CUTC: variants seen among roughly 807,000 people sequenced by gnomAD.
CUTC encodes the protein cutC copper transporter.
CUTC carries 27 observed loss-of-function variants against 36.2 expected under a neutral mutation model. The ratio of observed to expected loss-of-function variants is 0.75; its 90% confidence interval spans 0.55 to 1.03. The LOEUF is 1.03. CUTC is among the 50% of genes least tolerant of loss of function. The probability of loss-of-function intolerance (pLI) is 0.00; values close to 1 mark genes in which losing one functional copy is unlikely to be tolerated. For missense variants in CUTC, 315 were observed against 343.5 expected, an observed-to-expected ratio of 0.92 and a Z score of 0.66; for synonymous variants, 114 against 118.3, an observed-to-expected ratio of 0.96 and a Z score of 0.24.
Position 99,732,307 on chromosome 10 carries a change from C to G in CUTC, c.-42C>G. 1.9e-6 allele frequency: 3 copies of G among 1,549,868 alleles called. No individual in the cohort carries two copies. The highest frequency in any genetic ancestry group is 2.6e-6 in the Non-Finnish European group (3 of 1,146,470). ...CTGGTGCGCGCCGGAGCCCAAATTC[C>G]AAGTGGAAACTGCAGGCGCACGAGG... On this transcript the variant is annotated 5_prime_UTR_variant, in exon 1 of 9. Transcript: ENST00000370476.
rs1257302549 is a variant in CUTC at position 99,744,025 on chromosome 10, TTC to T, written c.404-10_404-9del. On this transcript the variant is annotated splice_polypyrimidine_tract_variant and intron_variant, in intron 4 of 8. Coordinates refer to ENST00000370476, the MANE Select transcript of CUTC (RefSeq NM_015960.3). Reference sequence around the variant, plus strand: ...TCTTCATTCATGTTGTTATATGACTTTCTTTTTATAGCTATTTGCCGCCCTCT... The same window carrying T: ...TCTTCATTCATGTTGTTATATGACTTTTTTTATAGCTATTTGCCGCCCTCT... The T allele has an allele frequency of 6.2e-7, 1 of 1,610,292 alleles. No homozygotes were observed. The highest frequency in any genetic ancestry group is 1.7e-5 in the Admixed American group (1 of 59,892).
At position 99,739,770 on chromosome 10, in the gene CUTC, G is replaced by T. The variant is rs1423536636; in HGVS notation, c.193+1G>T. On this transcript the variant is annotated splice_donor_variant, in intron 3 of 8. Transcript: ENST00000370476. LOFTEE classifies it high-confidence loss of function. ...GAGGGGGGAACTACACCCAGCATGG[G>T]TAAGTGTCCATTTTTCCCAGGTTTT... is the stretch of plus-strand genomic sequence containing the variant. 3.1e-6 allele frequency: 5 copies of T among 1,607,574 alleles called. No homozygotes were observed. Among genetic ancestry groups the T allele is most frequent in the African/African-American group, 2.7e-5 (2 of 74,572 alleles).
At position 99,739,710 on chromosome 10, in the gene CUTC, G is replaced by T. The variant is rs937370572; in HGVS notation, c.134G>T (p.Gly45Val). 6.8e-6 allele frequency: 11 copies of T among 1,610,114 alleles called. No individual in the cohort carries two copies. Among genetic ancestry groups the T allele is most frequent in the Admixed American group, 1.7e-5 (1 of 59,184 alleles). The change falls in exon 3 of 9, where the codon GGT becomes GTT. Residue 45 changes from glycine (G) to valine (V), a missense_variant and splice_region_variant. By Grantham distance (109) the Gly-to-Val change is moderately radical. Transcript: ENST00000370476. ...VESAVNAERG[G>V]ADRIELCSGL... is the part of the protein sequence containing the mutation. The stretch of plus-strand genomic sequence containing the variant: ...GTTGAGCAATGCTTTTATATTACAG[G>T]TGCTGATCGGATTGAATTATGTTCT...
chr10:99,750,553 C>A (rs2037408510), intron 7 of CUTC, among the ~76,000 whole-genome samples, 157 bp downstream of exon 7: 1 of 152,024 alleles, frequency 6.6e-6, no homozygotes, highest in Non-Finnish European at 1.5e-5. Flanking sequence ...ATGTTTAAAA[C>A]TGGGAGATCT....
Position 99,743,475 on chromosome 10 carries a change from A to C in CUTC, c.403+113A>C, listed in dbSNP as rs1390906998. 5.6e-6 allele frequency: 5 copies of C among 896,578 alleles called. No individual in the cohort carries two copies. The African/African-American group carries it at 8.3e-5, about 15-fold the overall frequency. 55.5% of individuals were successfully genotyped at this position (896,578 alleles called of 1,614,324 possible). Reference sequence around the variant, plus strand: ...TTTGCGGTCATAGCTACAGACACTTATACTAACCTAAGTATTTCAAATAGT... The same window carrying C: ...TTTGCGGTCATAGCTACAGACACTTCTACTAACCTAAGTATTTCAAATAGT... On this transcript the variant is annotated intron_variant, in intron 4 of 8. Transcript: ENST00000370476.
chr10:99,737,266 TAAAAA>T (rs77766994), intron 2 of CUTC, among the ~76,000 whole-genome samples: 6 of 126,364 alleles, frequency 4.7e-5, no homozygotes, highest in South Asian at 2.5e-4. Flanking sequence ...AGATCTTGTC[TAAAAA>T]AAAAAAAAAA....
intron 7 of CUTC, among the ~76,000 whole-genome samples, chr10:99,751,996 G>A (rs948528230): frequency 6.6e-6 from 1 of 152,118 alleles, no homozygotes; most frequent in Non-Finnish European, 1.5e-5. Flanking sequence ...AAATCATGAG[G>A]TTTGAATAGA....
At chr10:99,755,049 C>T (rs936607259) in intron 8 of CUTC, among the ~76,000 whole-genome samples, 12 of 152,174 alleles carry the variant, frequency 7.9e-5, no homozygotes, top group African/African-American at 2.7e-4. Context: ...CATTTGTTCT[C>T]TGTTTTCAGT....
chr10:99,737,673 A>G (rs978765174), intron 2 of CUTC, among the ~76,000 whole-genome samples: 6 of 152,306 alleles, frequency 3.9e-5, no homozygotes, highest in Middle Eastern at 3.4e-3. Context: ...TTTCAAAAAG[A>G]ATACAAAAAC....
intron 5 of CUTC, among the ~76,000 whole-genome samples, chr10:99,746,025 T>C (rs892004788): frequency 1.3e-5 from 2 of 152,256 alleles, no homozygotes; most frequent in African/African-American, 4.8e-5. Flanking sequence ...GTACAGTGTT[T>C]CATTCTACCT....
chr10:99,751,010 C>T (rs1323070761), intron 7 of CUTC, among the ~76,000 whole-genome samples: 1 of 152,096 alleles, frequency 6.6e-6, no homozygotes, highest in Non-Finnish European at 1.5e-5. Context: ...TAAAGACAAT[C>T]TTAATTTTTT....
At chr10:99,755,560 G>A (rs1302104415) in intron 8 of CUTC, 65 bp from the exon 9 acceptor site, 3 of 979,728 alleles carry the variant, frequency 3.1e-6, no homozygotes, top group African/African-American at 3.2e-5. Flanking sequence ...TCTATAAAAT[G>A]AAGCGGCAGT....
chr10:99,734,450 T>C (rs1344505847), intron 1 of CUTC, among the ~76,000 whole-genome samples: 3 of 152,118 alleles, frequency 2.0e-5, no homozygotes, highest in African/African-American at 7.2e-5. Context: ...TTTTTCAAAG[T>C]AAAAATTGCT....
intron 5 of CUTC, among the ~76,000 whole-genome samples, chr10:99,745,289 T>C (rs1254145175): frequency 6.6e-6 from 1 of 152,246 alleles, no homozygotes; most frequent in Non-Finnish European, 1.5e-5. Context: ...TTCTCACTAA[T>C]GTATTTAATG....
At chr10:99,736,090 A>G (rs2295781) in intron 1 of CUTC, among the ~76,000 whole-genome samples, 156 bp from the exon 2 acceptor site, 15,504 of 152,248 alleles carry the variant, frequency 0.1, 1,000 homozygotes, top group East Asian at 0.31. Context: ...TCAATAATTA[A>G]TGTGATATTT....
intron 6 of CUTC, among the ~76,000 whole-genome samples, chr10:99,749,258 G>A (rs920517869): frequency 6.6e-6 from 1 of 152,114 alleles, no homozygotes. Flanking sequence ...CCCTGGCTTT[G>A]ACCCTTACTA....
At chr10:99,749,268 A>G (rs931775953) in intron 6 of CUTC, among the ~76,000 whole-genome samples, 1 of 152,154 alleles carries the variant, frequency 6.6e-6, no homozygotes, top group Non-Finnish European at 1.5e-5. Flanking sequence ...GACCCTTACT[A>G]ATAGTGACCA....
intron 2 of CUTC, among the ~76,000 whole-genome samples, chr10:99,738,185 G>A (rs1163351976): frequency 6.6e-6 from 1 of 151,142 alleles, no homozygotes; most frequent in Non-Finnish European, 1.5e-5. Context: ...TGTTGTTTAA[G>A]TTCTTTATTG....
chr10:99,750,526 T>G, intron 7 of CUTC, 130 bp downstream of exon 7: 1 of 554,752 alleles, frequency 1.8e-6, no homozygotes, highest in Non-Finnish European at 2.9e-6. Context: ...AAGAGAAGAA[T>G]ATATAGTTTG....
Sources: allele counts gnomAD v4.1 joint callset (sites outside exome capture counted in the v4.1 genomes callset), GRCh38; gene constraint gnomAD v4.1.1; transcripts MANE v1.5; gene names NCBI Gene and HGNC (gene_info 2026-07-23, HGNC 2026-07-21).